The following ZNRF3 variants were observed in gnomAD, a reference collection of about 807,000 sequenced individuals.
ZNRF3 encodes the protein E3 ubiquitin-protein ligase ZNRF3.
ZNRF3 carries 23 observed loss-of-function variants against 72.5 expected under a neutral mutation model. The ratio of observed to expected loss-of-function variants is 0.32; its 90% CI spans 0.23 to 0.45. The LOEUF (loss-of-function observed/expected upper bound fraction) is 0.45, where lower values mean the gene tolerates loss of function less well. ZNRF3 is among the 20% of genes least tolerant of loss of function. The probability of loss-of-function intolerance (pLI) is 1.00; values close to 1 mark genes in which losing one functional copy is unlikely to be tolerated. For synonymous variants in ZNRF3, 610 were observed against 545.3 expected (o/e 1.12, Z -1.65); for missense variants, 1,169 against 1,272.1 (o/e 0.92, Z 1.23).
chr22:28,924,741 A>AAATAAT (rs201978506), intron 1 of ZNRF3, among the ~76,000 whole-genome samples: 1 of 151,992 alleles, frequency 6.6e-6, no homozygotes, highest in South Asian at 2.1e-4. Context: ...TGTCTCTAAA[A>AAATAAT]AATAATAATA....
chr22:28,923,678 A>T (rs115654447), intron 1 of ZNRF3, among the ~76,000 whole-genome samples: 3,284 of 152,280 alleles, frequency 0.022, 83 homozygotes, highest in African/African-American at 0.051. Context: ...TTTTGAAGCA[A>T]AGCCAGCCAT....
At chr22:29,023,863 G>C (rs1370362128) in intron 2 of ZNRF3, among the ~76,000 whole-genome samples, 1 of 152,154 alleles carries the variant, frequency 6.6e-6, no homozygotes, top group African/African-American at 2.4e-5. Context: ...TGATAGCTGG[G>C]TGCCTCTTGA....
At chr22:28,993,916 C>T (rs758079353) in intron 2 of ZNRF3, among the ~76,000 whole-genome samples, 4 of 152,152 alleles carry the variant, frequency 2.6e-5, no homozygotes, top group Admixed American at 1.3e-4. Context: ...TAGACTCAAG[C>T]GATCCTCCTG....
chr22:28,953,954 T>C (rs982667106), intron 1 of ZNRF3, among the ~76,000 whole-genome samples: 6 of 152,324 alleles, frequency 3.9e-5, no homozygotes, highest in African/African-American at 1.4e-4. Context: ...TTGACTGCCA[T>C]TGATTGCTCT....
chr22:28,917,496 T>A (rs1268906054), intron 1 of ZNRF3: 1 of 970,306 alleles, frequency 1.0e-6, no homozygotes, highest in East Asian at 1.1e-4. Flanking sequence ...CTGAAGAATG[T>A]TAAATCTAAA....
intron 3 of ZNRF3, among the ~76,000 whole-genome samples, 186 bp downstream of exon 3, chr22:29,042,755 A>G (rs1219928237): frequency 7.8e-6 from 1 of 127,824 alleles, no homozygotes; most frequent in Non-Finnish European, 1.8e-5. Flanking sequence ...AGAGCCAGGG[A>G]ATTGGGGCAC....
chr22:29,020,784 T>TGG (rs1046910849), intron 2 of ZNRF3, among the ~76,000 whole-genome samples: 7 of 145,158 alleles, frequency 4.8e-5, no homozygotes, highest in South Asian at 4.8e-4. Context: ...TGGGTGTGTG[T>TGG]GTGTGTGTGT....
At chr22:29,021,389 G>A (rs779834811) in intron 2 of ZNRF3, among the ~76,000 whole-genome samples, 2 of 152,156 alleles carry the variant, frequency 1.3e-5, no homozygotes, top group Non-Finnish European at 1.5e-5. Flanking sequence ...CATTCACATG[G>A]TGAAAGGTTG....
At chr22:29,022,865 G>A (rs1167128170) in intron 2 of ZNRF3, among the ~76,000 whole-genome samples, 1 of 152,170 alleles carries the variant, frequency 6.6e-6, no homozygotes, top group African/African-American at 2.4e-5. Context: ...TGTAACAAAT[G>A]AGAGTTTTTT....
intron 1 of ZNRF3, among the ~76,000 whole-genome samples, chr22:28,884,719 C>T (rs981362230): frequency 7.2e-5 from 11 of 152,166 alleles, no homozygotes; most frequent in Non-Finnish European, 1.5e-4. Flanking sequence ...GGAGGGATAC[C>T]GCCTGCCCGT....
chr22:29,035,944 C>T (rs115848306), intron 2 of ZNRF3, among the ~76,000 whole-genome samples: 1,687 of 152,188 alleles, frequency 0.011, 39 homozygotes, highest in African/African-American at 0.039. Context: ...TGGGCTCGAG[C>T]GATCCTCCCT....
At chr22:28,937,202 TATATATATATA>T (rs1328889289) in intron 1 of ZNRF3, among the ~76,000 whole-genome samples, 3 of 3,328 alleles carry the variant, frequency 9.0e-4, no homozygotes, top group African/African-American at 1.3e-3. Flanking sequence ...TATATATATA[TATATATATATA>T]TATTTTTTTT....
intron 2 of ZNRF3, among the ~76,000 whole-genome samples, chr22:28,994,185 T>TTTTTTTTTTTTTTTTTTC (rs2036008459): frequency 1.0e-5 from 1 of 98,810 alleles, no homozygotes; most frequent in Non-Finnish European, 2.0e-5. Flanking sequence ...TCTTTTTTTT[T>TTTTTTTTTTTTTTTTTTC]TTTTTTTTTT....
At chr22:28,917,090 G>T (rs892608861) in intron 1 of ZNRF3, among the ~76,000 whole-genome samples, 3 of 152,076 alleles carry the variant, frequency 2.0e-5, no homozygotes, top group Non-Finnish European at 4.4e-5. Context: ...TGGGGTGAAC[G>T]CTCATCTGCC....
chr22:29,044,849 A>C lies in ZNRF3; in HGVS notation c.703A>C (p.Ile235Leu). The change falls in exon 5 of 9, where the codon ATC (isoleucine) becomes CTC (leucine). Residue 235 changes from isoleucine (I) to leucine (L), a missense_variant. By Grantham distance (5) the Ile-to-Leu change is conservative. Around this residue, in one of 2 missense-constraint regions of ZNRF3, gnomAD observed 386 missense variants for 540.7 expected, o/e 0.71. Transcript: ENST00000544604. ...CGTCGTGGTCTCCTTGGTCTGCCTCATCCTCCTTGTCAAAATCAAGCTGAA... is the reference window on the plus strand; with the variant it reads ...CGTCGTGGTCTCCTTGGTCTGCCTCCTCCTCCTTGTCAAAATCAAGCTGAA... ...FFVVVSLVCLILLVKIKLKQR... is the reference protein window; with the variant it reads ...FFVVVSLVCLLLLVKIKLKQR... The C allele has an allele frequency of 6.2e-7, 1 of 1,614,018 alleles. No homozygotes were observed. The highest frequency in any genetic ancestry group is 8.5e-7 in the Non-Finnish European group (1 of 1,180,000).
At chr22:28,884,777 G>A (rs553917663) in intron 1 of ZNRF3, among the ~76,000 whole-genome samples, 5 of 152,310 alleles carry the variant, frequency 3.3e-5, no homozygotes, top group East Asian at 3.9e-4. Context: ...GGGAGATGGC[G>A]TATCTCACTG....
intron 1 of ZNRF3, among the ~76,000 whole-genome samples, chr22:28,938,338 T>C (rs1280857005): frequency 2.0e-5 from 3 of 152,126 alleles, no homozygotes; most frequent in Non-Finnish European, 4.4e-5. Context: ...ATATATCTTA[T>C]CTATTTTAAT....
At chr22:28,970,358 G>A (rs768855510) in intron 1 of ZNRF3, among the ~76,000 whole-genome samples, 14 of 152,264 alleles carry the variant, frequency 9.2e-5, no homozygotes, top group East Asian at 1.9e-4. Flanking sequence ...TTAAAAGGCT[G>A]ATACTAAAAA....
chr22:29,040,505 T>A (rs1032106581), intron 2 of ZNRF3, among the ~76,000 whole-genome samples: 14 of 151,800 alleles, frequency 9.2e-5, no homozygotes, highest in Non-Finnish European at 1.6e-4. Context: ...TTTTTTTTTT[T>A]AACAGATGGG....
Sources: allele counts gnomAD v4.1 joint callset (sites outside exome capture counted in the v4.1 genomes callset), GRCh38; gene constraint gnomAD v4.1.1; regional missense constraint gnomAD v4.1.1; transcripts MANE v1.5; gene names NCBI Gene and HGNC (gene_info 2026-07-23, HGNC 2026-07-21).